Variants in LRRC7 observed in about 807,000 individuals in gnomAD.
LRRC7 encodes leucine-rich repeat-containing protein 7.
LRRC7 carries 23 observed loss-of-function variants against 175.7 expected under a neutral mutation model. That is an observed-to-expected ratio of 0.13 (90% CI 0.09 to 0.19). The LOEUF (loss-of-function observed/expected upper bound fraction) is 0.19. Among genes scored for constraint, LRRC7 ranks in the 10% least tolerant of loss-of-function variants. The pLI, the probability that LRRC7 is intolerant of heterozygous loss-of-function variation, is 1.00. For synonymous variants in LRRC7, 685 were observed against 680.9 expected, an observed-to-expected ratio of 1.01 and a Z score of -0.09; for missense variants, 1,354 against 1,904.7, an observed-to-expected ratio of 0.71 and a Z score of 5.38.
chr1:69,780,650 A>AC (rs1673383659), intron 3 of LRRC7, among the ~76,000 whole-genome samples: 1 of 152,074 alleles, frequency 6.6e-6, no homozygotes, highest in Non-Finnish European at 1.5e-5. Flanking sequence ...TCTAACAAAA[A>AC]AAATTATTAA....
chr1:70,036,067 T>C, intron 18 of LRRC7, 54 bp from the exon 19 acceptor site: 1 of 1,397,246 alleles, frequency 7.2e-7, no homozygotes, highest in Non-Finnish European at 9.8e-7. Context: ...GCCACTTTGG[T>C]TAACCATTGT....
intron 2 of LRRC7, among the ~76,000 whole-genome samples, chr1:69,727,906 T>G (rs1447015925): frequency 6.6e-6 from 1 of 152,106 alleles, no homozygotes; most frequent in Non-Finnish European, 1.5e-5. Flanking sequence ...AAGCTCTGAG[T>G]GTGAGGATGG....
chr1:69,988,351 C>A (rs1368704578), intron 10 of LRRC7, among the ~76,000 whole-genome samples: 1 of 152,038 alleles, frequency 6.6e-6, no homozygotes, highest in African/African-American at 2.4e-5. Flanking sequence ...AAGAGGATTG[C>A]TTGAGCCCAG....
rs187828542 is a variant in LRRC7, at chr1:69,733,933, A to G, written c.101-26258A>G. ...CTCAGCTAGTGTTAGTGTCTCCTAA[A>G]TAATCCTATTGTAGTTTTTAGGTTA... On this transcript the variant is annotated intron_variant, in intron 2 of 26. Coordinates refer to ENST00000651989, the MANE Select transcript of LRRC7 (RefSeq NM_001370785.2). Among the ~76,000 whole-genome samples the G allele has an allele frequency of 2.0e-5, 3 of 152,148 alleles. No individual in the cohort carries two copies. In the East Asian group the frequency reaches 5.8e-4, roughly 29 times the overall value.
chr1:69,753,296 A>G (rs11209535), intron 2 of LRRC7, among the ~76,000 whole-genome samples: 74,852 of 146,482 alleles, frequency 0.51, 20,816 homozygotes, highest in East Asian at 0.79. Context: ...GTGTGTGTGT[A>G]TGTGTGTGTG....
chr1:69,997,660 A>G (rs568734600), intron 11 of LRRC7, among the ~76,000 whole-genome samples: 3 of 148,700 alleles, frequency 2.0e-5, no homozygotes, highest in African/African-American at 5.0e-5. Context: ...TGAGATAATC[A>G]TGTGGTTTTT....
chr1:69,712,432 T>C (rs1664866903), intron 2 of LRRC7, among the ~76,000 whole-genome samples: 1 of 152,024 alleles, frequency 6.6e-6, no homozygotes, highest in East Asian at 1.9e-4. Context: ...GGCGAAACCC[T>C]ATCTCTACTA....
chr1:69,828,193 G>C (rs1438637877), intron 5 of LRRC7, among the ~76,000 whole-genome samples: 2 of 152,040 alleles, frequency 1.3e-5, no homozygotes, highest in Non-Finnish European at 2.9e-5. Flanking sequence ...AGGCATTTGG[G>C]TTGTTTCCAG....
intron 23 of LRRC7, among the ~76,000 whole-genome samples, chr1:70,061,036 C>G (rs1311748691): frequency 6.6e-6 from 1 of 152,132 alleles, no homozygotes; most frequent in Non-Finnish European, 1.5e-5. Flanking sequence ...ATCATCACTT[C>G]TCTTTCCTGG....
chr1:69,897,667 C>T (rs1205148446), intron 7 of LRRC7, among the ~76,000 whole-genome samples: 1 of 151,634 alleles, frequency 6.6e-6, no homozygotes, highest in Non-Finnish European at 1.5e-5. Flanking sequence ...TACAAAGGGA[C>T]AGCAAAGGTT....
intron 4 of LRRC7, among the ~76,000 whole-genome samples, chr1:69,803,889 A>C (rs929558291): frequency 4.0e-5 from 6 of 151,242 alleles, no homozygotes; most frequent in Non-Finnish European, 8.9e-5. Flanking sequence ...CACACCATTT[A>C]TCTTTTAGTC....
intron 3 of LRRC7, among the ~76,000 whole-genome samples, chr1:69,787,179 GCAAGAGGTGGGCTCC>G (rs1313387556): frequency 2.0e-5 from 3 of 152,230 alleles, no homozygotes; most frequent in Non-Finnish European, 4.4e-5. Context: ...TCACGCTGTT[GCAAGAGGTGGGCTCC>G]CACAGCCTTG....
intron 23 of LRRC7, among the ~76,000 whole-genome samples, chr1:70,073,147 A>T (rs2102121386): frequency 6.6e-6 from 1 of 152,316 alleles, no homozygotes; most frequent in South Asian, 2.1e-4. Context: ...AAGTTTAAAG[A>T]GGTAATATGT....
chr1:69,616,233 G>C lies in LRRC7; in HGVS notation c.2+47592G>C, dbSNP rs550447943. On this transcript the variant is annotated intron_variant, in intron 1 of 26. Coordinates refer to ENST00000651989, the MANE Select transcript of LRRC7 (RefSeq NM_001370785.2). ...ATTTAATGTCAATTTTAAACGTCTG[G>C]GAAGTTAATTTTTCATTGGTAAAGC... Among the ~76,000 whole-genome samples, 82 of 151,958 alleles carry C rather than the reference G, an allele frequency of 5.4e-4. 1 individual carries two copies. In the South Asian group the frequency reaches 8.5e-3, roughly 16 times the overall value.
chr1:69,645,259 A>T (rs1654843899), intron 1 of LRRC7, among the ~76,000 whole-genome samples: 1 of 152,088 alleles, frequency 6.6e-6, no homozygotes, highest in Admixed American at 6.6e-5. Context: ...GACAAATTCT[A>T]AATATGCAAG....
chr1:70,074,657 A>G (rs761781191), intron 23 of LRRC7, among the ~76,000 whole-genome samples: 6 of 152,220 alleles, frequency 3.9e-5, no homozygotes, highest in Non-Finnish European at 5.9e-5. Flanking sequence ...TCAAATGTAA[A>G]CAATTGTAAA....
chr1:69,737,234 C>A (rs535336549), intron 2 of LRRC7, among the ~76,000 whole-genome samples: 3 of 152,172 alleles, frequency 2.0e-5, no homozygotes, highest in African/African-American at 7.2e-5. Context: ...TGAGAGGAAC[C>A]TGGTGGGAGG....
At chr1:69,628,014 T>C (rs1651878131) in intron 1 of LRRC7, among the ~76,000 whole-genome samples, 1 of 152,118 alleles carries the variant, frequency 6.6e-6, no homozygotes, top group Admixed American at 6.6e-5. Flanking sequence ...CTAGGCATTG[T>C]CTTCTCAAAA....
At chr1:69,952,326 C>T (rs1650025566) in intron 8 of LRRC7, among the ~76,000 whole-genome samples, 1 of 151,790 alleles carries the variant, frequency 6.6e-6, no homozygotes, top group African/African-American at 2.4e-5. Context: ...TATTCCTTGC[C>T]CAAATGCATT....
Sources: allele counts gnomAD v4.1 joint callset (sites outside exome capture counted in the v4.1 genomes callset), GRCh38; gene constraint gnomAD v4.1.1; transcripts MANE v1.5; gene names NCBI Gene and HGNC (gene_info 2026-07-23, HGNC 2026-07-21).